Variants in E4F1 observed in about 807,000 individuals in gnomAD.
The protein encoded by E4F1 is transcription factor E4F1.
E4F1 carries 30 observed loss-of-function variants against 72.9 expected under a neutral mutation model. That is an observed-to-expected ratio of 0.41 (90% confidence interval 0.31 to 0.56). The LOEUF is 0.56. Among genes scored for constraint, E4F1 ranks in the 20% least tolerant of loss-of-function variants. E4F1 has a pLI of 0.25. For synonymous variants in E4F1, 542 were observed against 478.2 expected (o/e 1.13, Z -1.74); for missense variants, 1,091 against 1,117.5 (o/e 0.98, Z 0.34).
chr16:2,225,592 G>A (rs1477135438), intron 1 of E4F1, among the ~76,000 whole-genome samples: 6 of 151,402 alleles, frequency 4.0e-5, no homozygotes, highest in Admixed American at 3.9e-4. Context: ...TCCTGACTCG[G>A]CCTCCTGAGT....
Position 2,234,223 on chromosome 16 carries a change from C to T in E4F1, c.1428C>T (p.Tyr476=), listed in dbSNP as rs1159819041. The T allele has an allele frequency of 6.8e-6, 11 of 1,612,672 alleles. No homozygotes were observed. The highest frequency in any genetic ancestry group is 9.3e-6 in the Non-Finnish European group (11 of 1,179,944). The part of the protein sequence containing the change: ...AQCGKAFPKA[Y]LLKKHQEVHV... Reference sequence around the variant, plus strand: ...GTGGCAAGGCCTTCCCCAAGGCCTACCTGCTCAAGAAGCACCAGGAGGTGC... The same window carrying T: ...GTGGCAAGGCCTTCCCCAAGGCCTATCTGCTCAAGAAGCACCAGGAGGTGC... Residue 476 remains tyrosine, a synonymous_variant, in exon 10 of 14, where the codon TAC becomes TAT. Coordinates refer to ENST00000301727, the MANE Select transcript of E4F1 (RefSeq NM_004424.5).
chr16:2,225,900 C>T (rs992677741), intron 1 of E4F1, among the ~76,000 whole-genome samples: 5 of 151,898 alleles, frequency 3.3e-5, no homozygotes, highest in African/African-American at 1.2e-4. Flanking sequence ...TCGAGACCAC[C>T]CTGGCTAACA....
At chr16:2,234,824 G>T in intron 11 of E4F1, 35 bp from the exon 12 acceptor site, 14 of 1,545,276 alleles carry the variant, frequency 9.1e-6, no homozygotes, top group Non-Finnish European at 1.2e-5. Context: ...AGGGGGCCGG[G>T]GCTTGCCTAG....
chr16:2,234,399 G>T lies in E4F1; in HGVS notation c.1593+11G>T. ...CGCTACAAGACTAAGGTGGGTCTCTGGCCGCAGGACCCTGGCGCCTGATCC... is the reference window on the plus strand; with the variant it reads ...CGCTACAAGACTAAGGTGGGTCTCTTGCCGCAGGACCCTGGCGCCTGATCC... On this transcript the variant is annotated intron_variant, in intron 10 of 13. Coordinates refer to ENST00000301727, the MANE Select transcript of E4F1 (RefSeq NM_004424.5). 6.2e-7 allele frequency: 1 copy of T among 1,612,516 alleles called. No individual in the cohort carries two copies. The highest frequency in any genetic ancestry group is 8.5e-7 in the Non-Finnish European group (1 of 1,179,726).
Position 2,235,381 on chromosome 16 carries a change from C to G in E4F1, c.2164C>G (p.Gln722Glu). 1.2e-6 allele frequency: 2 copies of G among 1,610,880 alleles called. No individual in the cohort carries two copies. The highest frequency in any genetic ancestry group is 1.7e-6 in the Non-Finnish European group (2 of 1,179,940). The change falls in exon 14 of 14, where the codon CAG (glutamine) becomes GAG (glutamate). Residue 722 changes from glutamine to glutamate, a missense_variant. This residue lies in a region of E4F1 where 622 missense variants were observed against 628.0 expected (regional missense o/e 0.99). Transcript: ENST00000301727. ...TIATPESLTE[Q>E]VAMTLASAIS... ...CGCCACCCCCGAGAGCCTGACAGAG[C>G]AGGTGGCCATGACGCTGGCCTCGGC...
chr16:2,233,531 C>T lies in E4F1; in HGVS notation c.1150C>T (p.Arg384Cys), dbSNP rs148206065. Residue 384 changes from arginine (R) to cysteine (C), a missense_variant, in exon 8 of 14, where the codon CGC (arginine) becomes TGC (cysteine). Arg to Cys is a radical substitution (Grantham distance 180). Transcript: ENST00000301727. ...AMQNSGIVLE[R>C]AAGEEGALEP... is the part of the protein sequence containing the mutation. The stretch of plus-strand genomic sequence containing the variant: ...GCAGAACTCCGGCATCGTCCTTGAG[C>T]GCGCTGCTGGGGAGGAGGGTGCCCT... The T allele has an allele frequency of 3.5e-5, 53 of 1,520,870 alleles. No individual in the cohort carries two copies. The highest frequency in any genetic ancestry group is 6.9e-5 in the African/African-American group (5 of 72,718). The allele number at this position is 1,520,870 out of a possible 1,614,324, so 94.2% of individuals were successfully genotyped here.
rs139395951 is a variant in E4F1, at chr16:2,235,404, G to T, written c.2187G>T (p.Ser729=). The T allele has an allele frequency of 1.9e-6, 3 of 1,611,630 alleles. No individual in the cohort carries two copies. The African/African-American group carries it at 4.0e-5, about 22-fold the overall frequency. The change falls in exon 14 of 14, where the codon TCG becomes TCT. Residue 729 remains serine, a synonymous_variant. Coordinates refer to ENST00000301727, the MANE Select transcript of E4F1 (RefSeq NM_004424.5). ...LTEQVAMTLA[S]AISEGTVLAA... ...AGCAGGTGGCCATGACGCTGGCCTC[G>T]GCCATCAGCGAGGGCACTGTGCTTG...
Position 2,235,482 on chromosome 16 carries a change from A to G in E4F1, c.2265A>G (p.Ser755=), listed in dbSNP as rs1193230458. The change falls in exon 14 of 14, where the codon TCA becomes TCG. Residue 755 remains serine, a synonymous_variant. Coordinates refer to ENST00000301727, the MANE Select transcript of E4F1 (RefSeq NM_004424.5). ...AACAGGCCACTGTGACCATGGTGTC[A>G]TCAGAGGACATCGAGATCCTGGAGC... ...GTEQATVTMV[S]SEDIEILEHA... is the part of the protein sequence containing the mutation. The G allele has an allele frequency of 6.2e-7, 1 of 1,611,660 alleles. No homozygotes were observed.
rs2093492966 is a variant in E4F1 at position 2,234,699 on chromosome 16, A to G, written c.1710A>G (p.Thr570=). 1 of 1,573,184 alleles carries G rather than the reference A, an allele frequency of 6.4e-7. No homozygotes were observed. Among genetic ancestry groups the G allele is most frequent in the Admixed American group, 1.8e-5 (1 of 54,542 alleles). The part of the protein sequence containing the change: ...GSLVRHVRHH[T]GEKPFKCYKC... ...TGGTGCGGCACGTGCGACACCACAC[A>G]GGCGAGAAGCCGTTCAAGTGCTACA... The change falls in exon 11 of 14, where the codon ACA becomes ACG. Residue 570 remains threonine (T), a synonymous_variant. Coordinates refer to ENST00000301727, the MANE Select transcript of E4F1 (RefSeq NM_004424.5).
At chr16:2,224,685 G>C (rs980489829) in intron 1 of E4F1, among the ~76,000 whole-genome samples, 1 of 151,952 alleles carries the variant, frequency 6.6e-6, no homozygotes, top group Non-Finnish European at 1.5e-5. Context: ...TGGGGAGGCT[G>C]AGGCGGAGAA....
Position 2,233,036 on chromosome 16 carries a change from G to A in E4F1, c.909G>A (p.Leu303=), listed in dbSNP as rs543017512. 3.7e-5 allele frequency: 59 copies of A among 1,608,714 alleles called. No individual in the cohort carries two copies. The African/African-American group carries it at 6.9e-4, about 19-fold the overall frequency. The part of the protein sequence containing the change: ...RAGSGAGAAG[L]GTATSSVTGE... ...GTTCTGGAGCTGGAGCTGCCGGCTT[G>A]GGGACAGCCACATCATCGGTGACAG... Residue 303 remains leucine, a synonymous_variant, in exon 7 of 14, where the codon TTG becomes TTA. Coordinates refer to ENST00000301727, the MANE Select transcript of E4F1 (RefSeq NM_004424.5).
rs1320183151 is a variant in E4F1 at position 2,235,451 on chromosome 16, G to A, written c.2234G>A (p.Gly745Asp). 7 of 1,612,580 alleles carry A rather than the reference G, an allele frequency of 4.3e-6. No homozygotes were observed. The East Asian group carries it at 1.3e-4, about 31-fold the overall frequency. Residue 745 changes from glycine (G) to aspartate (D), a missense_variant, in exon 14 of 14, where the codon GGC (glycine) becomes GAC (aspartate). By Grantham distance (94) the Gly-to-Asp change is moderately conservative. Coordinates refer to ENST00000301727, the MANE Select transcript of E4F1 (RefSeq NM_004424.5). The part of the protein sequence containing the change: ...TVLAARAGTS[G>D]TEQATVTMVS... ...CTTGCCGCCCGGGCAGGGACAAGTG[G>A]CACTGAACAGGCCACTGTGACCATG...
chr16:2,235,160 G>C lies in E4F1; in HGVS notation c.1998+17G>C, dbSNP rs1263969858. ...CAGACAGAGGTGAGGGGTAGGGCAG[G>C]CGGGGGCGGGGAGGCTCCCTGGCAC... On this transcript the variant is annotated intron_variant, in intron 13 of 13. Coordinates refer to ENST00000301727, the MANE Select transcript of E4F1 (RefSeq NM_004424.5). 5 of 1,611,402 alleles carry C rather than the reference G, an allele frequency of 3.1e-6. No homozygotes were observed. Among genetic ancestry groups the C allele is most frequent in the Middle Eastern group, 1.6e-4 (1 of 6,082 alleles).
chr16:2,232,819 G>T lies in E4F1; in HGVS notation c.794G>T (p.Arg265Leu). 1 of 1,613,444 alleles carries T rather than the reference G, an allele frequency of 6.2e-7. No homozygotes were observed. The highest frequency in any genetic ancestry group is 8.5e-7 in the Non-Finnish European group (1 of 1,180,008). Residue 265 changes from arginine (R) to leucine (L), a missense_variant, in exon 6 of 14, where the codon CGG (arginine) becomes CTG (leucine). Arg to Leu is a moderately radical substitution (Grantham distance 102, BLOSUM62 -2). Transcript: ENST00000301727. ...TTCCGGGAGTCGGGTGCACTGACCC[G>T]GCACCTCAAGTCTCTCACCCCCTGC... ...KSFRESGALT[R>L]HLKSLTPCTE...
Position 2,234,644 on chromosome 16 carries a change from G to A in E4F1, c.1655G>A (p.Cys552Tyr). The change falls in exon 11 of 14, where the codon TGC becomes TAC. Residue 552 changes from cysteine to tyrosine, a missense_variant. Physicochemically the swap from Cys to Tyr is radical, Grantham distance 194 (BLOSUM62 -2). Around this residue, in one of 5 missense-constraint regions of E4F1, gnomAD observed 622 missense variants for 628.0 expected, o/e 0.99. Transcript: ENST00000301727. ...GAGAAGCCGCACGTGTGCCAGTTCT[G>A]CAGCCGTGGCTTCCGAGAGAAGGGC... ...LEEKPHVCQF[C>Y]SRGFREKGSL... 6.2e-7 allele frequency: 1 copy of A among 1,600,282 alleles called. No homozygotes were observed.
Position 2,234,790 on chromosome 16 carries a change from C to T in E4F1, c.1792+9C>T, listed in dbSNP as rs112938340. On this transcript the variant is annotated intron_variant, in intron 11 of 13. Coordinates refer to ENST00000301727, the MANE Select transcript of E4F1 (RefSeq NM_004424.5). ...GCACCTGCGCACCAAAGGTCTGGGC[C>T]GGTGGAGGTGGGAGGGGGAGGGGAG... is the stretch of plus-strand genomic sequence containing the variant. 65 of 590,264 alleles carry T rather than the reference C, an allele frequency of 1.1e-4. No homozygotes were observed. The highest frequency in any genetic ancestry group is 2.3e-4 in the African/African-American group (10 of 43,196). The allele number at this position is 590,264 out of a possible 1,614,324, so 36.6% of individuals were successfully genotyped here. A position where few individuals can be genotyped will look rare whatever the true frequency, so the allele number is the denominator to read the frequency against.
chr16:2,233,416 C>A, intron 7 of E4F1, 22 bp from the exon 8 acceptor site: 1 of 1,504,732 alleles, frequency 6.6e-7, no homozygotes, highest in Non-Finnish European at 8.8e-7. Context: ...TGGCCAGCCT[C>A]CTCTCTCTGC....
chr16:2,232,553 T>C lies in E4F1; in HGVS notation c.707T>C (p.Ile236Thr). ...GASFRTKGSL[I>T]RHHRRHTDER... ...TCCTTCCGCACCAAGGGCTCACTCA[T>C]CCGGCACCACCGGCGGCACACGGGT... The change falls in exon 5 of 14, where the codon ATC becomes ACC. Residue 236 changes from isoleucine to threonine, a missense_variant. Ile to Thr is a moderately conservative substitution (Grantham distance 89). This residue lies in a region of E4F1 where 362 missense variants were observed against 358.6 expected (regional missense o/e 1.01). Coordinates refer to ENST00000301727, the MANE Select transcript of E4F1 (RefSeq NM_004424.5). 6.2e-7 allele frequency: 1 copy of C among 1,612,286 alleles called. No homozygotes were observed. Among genetic ancestry groups the C allele is most frequent in the Non-Finnish European group, 8.5e-7 (1 of 1,179,728 alleles).
intron 1 of E4F1, 51 bp downstream of exon 1, chr16:2,223,821 G>T (rs1450341088): frequency 2.0e-6 from 3 of 1,533,590 alleles, no homozygotes; most frequent in Non-Finnish European, 2.6e-6. Flanking sequence ...AGTTCATCCC[G>T]GGCTGGCAGA....
Sources: allele counts gnomAD v4.1 joint callset (sites outside exome capture counted in the v4.1 genomes callset), GRCh38; gene constraint gnomAD v4.1.1; regional missense constraint gnomAD v4.1.1; transcripts MANE v1.5; gene names NCBI Gene and HGNC (gene_info 2026-07-23, HGNC 2026-07-21).